The following EXOSC7 variants were observed in gnomAD, a reference collection of about 807,000 sequenced individuals.
EXOSC7 encodes exosome complex component RRP42.
A neutral mutation model predicts 34.3 loss-of-function variants in EXOSC7; 25 were observed. The observed-to-expected ratio is 0.73, with a 90% CI of 0.53 to 1.02. The LOEUF is 1.02. EXOSC7 is among the 50% of genes least tolerant of loss of function. EXOSC7 has a pLI of 0.00. For synonymous variants in EXOSC7, 130 were observed against 143.0 expected (o/e 0.91, Z 0.65); for missense variants, 370 against 368.5 (o/e 1.00, Z -0.03).
intron 1 of EXOSC7, among the ~76,000 whole-genome samples, chr3:44,976,559 A>G (rs1288351963): frequency 2.0e-4 from 31 of 152,110 alleles, no homozygotes; most frequent in Non-Finnish European, 4.4e-4. Context: ...TAAGATTCCG[A>G]ACCCGGGCAG....
intron 3 of EXOSC7, among the ~76,000 whole-genome samples, chr3:44,991,823 C>T (rs1706581537): frequency 6.6e-6 from 1 of 152,146 alleles, no homozygotes; most frequent in Admixed American, 6.5e-5. Flanking sequence ...TCCCCACAGG[C>T]CCAAGAGCTC....
At chr3:44,976,713 G>T (rs1307573175) in intron 1 of EXOSC7, among the ~76,000 whole-genome samples, 2 of 152,184 alleles carry the variant, frequency 1.3e-5, no homozygotes, top group Non-Finnish European at 2.9e-5. Context: ...CTTCTGGCCT[G>T]CTTTTCCTCA....
chr3:45,002,209 A>C (rs899354402), intron 5 of EXOSC7: 1 of 152,244 alleles, frequency 6.6e-6, no homozygotes, highest in Non-Finnish European at 1.5e-5. Flanking sequence ...TCCCCCTTTT[A>C]TGCTCCAAGT....
intron 1 of EXOSC7, among the ~76,000 whole-genome samples, chr3:44,978,343 A>T (rs9843132): frequency 0.012 from 1,855 of 152,258 alleles, 35 homozygotes; most frequent in African/African-American, 0.039. Context: ...GGGACTTGTA[A>T]TGCTCTGAAG....
intron 2 of EXOSC7, 79 bp downstream of exon 2, chr3:44,989,320 C>A: frequency 1.7e-6 from 2 of 1,143,612 alleles, no homozygotes; most frequent in South Asian, 1.3e-5. Flanking sequence ...CGCTGTCTGG[C>A]TTTTGGAATG....
intron 3 of EXOSC7, among the ~76,000 whole-genome samples, chr3:44,991,339 T>C (rs1706567520): frequency 6.6e-6 from 1 of 152,224 alleles, no homozygotes; most frequent in Admixed American, 6.5e-5. Flanking sequence ...CTGTGGATGA[T>C]GGTGACCTTG....
intron 1 of EXOSC7, chr3:44,977,367 G>A (rs1186608761): frequency 6.6e-6 from 1 of 152,132 alleles, no homozygotes; most frequent in East Asian, 1.9e-4. Context: ...CAGTGGTCCC[G>A]TGATGTAGCC....
At chr3:44,993,748 T>C (rs1435757569) in intron 3 of EXOSC7, among the ~76,000 whole-genome samples, 2 of 152,180 alleles carry the variant, frequency 1.3e-5, no homozygotes, top group African/African-American at 4.8e-5. Flanking sequence ...AGACCAAGTG[T>C]GTACACCCCC....
At chr3:44,997,573 G>A (rs1706756342) in intron 4 of EXOSC7, among the ~76,000 whole-genome samples, 1 of 152,204 alleles carries the variant, frequency 6.6e-6, no homozygotes, top group African/African-American at 2.4e-5. Flanking sequence ...TTCATGGGCA[G>A]AATTTAAGCA....
chr3:44,989,057 T>G (rs1000183681), intron 1 of EXOSC7, 83 bp from the exon 2 acceptor site: 3 of 897,962 alleles, frequency 3.3e-6, no homozygotes, highest in Non-Finnish European at 5.5e-6. Context: ...GCATATATCT[T>G]CTCTAGGGGG....
At chr3:44,992,543 G>A (rs1056308960) in intron 3 of EXOSC7, among the ~76,000 whole-genome samples, 1 of 152,180 alleles carries the variant, frequency 6.6e-6, no homozygotes, top group Non-Finnish European at 1.5e-5. Context: ...ACAGCCCTTT[G>A]GAAAGACTGC....
downstream of EXOSC7, chr3:45,012,045 C>G (rs1404696662): frequency 5.3e-5 from 8 of 152,358 alleles, no homozygotes; most frequent in Middle Eastern, 3.4e-3. Context: ...AATTCAGCTG[C>G]CTTCATGCTC....
At chr3:44,978,227 G>C (rs1706176273) in intron 1 of EXOSC7, among the ~76,000 whole-genome samples, 1 of 152,246 alleles carries the variant, frequency 6.6e-6, no homozygotes, top group Admixed American at 6.5e-5. Context: ...GAAAGGCTGA[G>C]ATGGGAGGAT....
In EXOSC7 at chr3:44,978,871, TG is replaced by T. The variant is rs1706196190; in HGVS notation, c.57+2542del. Among the ~76,000 whole-genome samples the T allele has an allele frequency of 1.3e-5, 2 of 152,190 alleles. 1 individual carries two copies. The highest frequency in any genetic ancestry group is 4.1e-4 in the South Asian group (2 of 4,830). ...GCAATAGCCTGTTGACTTGTCTGTATGGGGGACCCTTAAGGCATAGCCAGTG... is the reference window on the plus strand; with the variant it reads ...GCAATAGCCTGTTGACTTGTCTGTATGGGGACCCTTAAGGCATAGCCAGTG... On this transcript the variant is annotated intron_variant, in intron 1 of 7. Coordinates refer to ENST00000265564, the MANE Select transcript of EXOSC7 (RefSeq NM_015004.4).
chr3:44,994,856 G>GGTGTGTGTGTGTGTGTGT (rs34579096), intron 3 of EXOSC7, among the ~76,000 whole-genome samples: 1 of 134,864 alleles, frequency 7.4e-6, no homozygotes, highest in African/African-American at 2.8e-5. Context: ...TGGAAGAATG[G>GGTGTGTGTGTGTGTGTGT]GTGTGTGTGT....
chr3:44,978,303 A>C lies in EXOSC7; in HGVS notation c.57+1969A>C, dbSNP rs919542151. ...GTGAGAGCCCATCTCTAAAGAAATA[A>C]TTTTTTTTTAATAAATAAAAAGAAT... On this transcript the variant is annotated intron_variant, in intron 1 of 7. Coordinates refer to ENST00000265564, the MANE Select transcript of EXOSC7 (RefSeq NM_015004.4). 4.2e-4 allele frequency among the ~76,000 whole-genome samples: 64 copies of C among 151,676 alleles called. 1 individual carries two copies. In the Admixed American group the frequency reaches 4.2e-3, roughly 10 times the overall value.
chr3:45,008,123 A>G (rs922122591), intron 7 of EXOSC7, among the ~76,000 whole-genome samples: 2 of 152,220 alleles, frequency 1.3e-5, no homozygotes, highest in African/African-American at 4.8e-5. Flanking sequence ...AGGCGCTTCT[A>G]CAGTTCTCTG....
intron 1 of EXOSC7, 87 bp from the exon 2 acceptor site, chr3:44,989,053 A>G (rs1275353148): frequency 2.3e-6 from 2 of 852,544 alleles, no homozygotes; most frequent in African/African-American, 1.7e-5. Context: ...TTCTGCATAT[A>G]TCTTCTCTAG....
At chr3:45,009,534 G>A (rs1344336732) in intron 7 of EXOSC7, among the ~76,000 whole-genome samples, 2 of 151,322 alleles carry the variant, frequency 1.3e-5, no homozygotes, top group Non-Finnish European at 2.9e-5. Flanking sequence ...CTAATGTTAT[G>A]GGAAAATCTT....
Sources: gnomAD v4.1 joint callset for allele counts (sites outside exome capture counted in the v4.1 genomes callset) on GRCh38, gnomAD v4.1.1 for gene constraint, MANE v1.5 for transcripts, NCBI Gene and HGNC (gene_info 2026-07-23, HGNC 2026-07-21) for gene names.